The following ATG10 variants were observed in gnomAD, a reference collection of about 807,000 sequenced individuals.
ATG10 encodes the protein autophagy related 10, also known as ubiquitin-like-conjugating enzyme ATG10.
In ATG10, 30 loss-of-function variants were observed where a neutral mutation model predicts 32.1. That is an observed-to-expected ratio of 0.94 (90% CI 0.70 to 1.27). The LOEUF (loss-of-function observed/expected upper bound fraction) is 1.27, where lower values mean the gene tolerates loss of function less well. Among genes scored for constraint, ATG10 ranks in the 50% most tolerant of loss-of-function variants. ATG10 has a pLI of 0.00. For missense variants in ATG10, 233 were observed against 262.3 expected, an observed-to-expected ratio of 0.89 and a Z score of 0.77; for synonymous variants, 87 against 91.5, an observed-to-expected ratio of 0.95 and a Z score of 0.28.
At chr5:82,053,833 G>GT (rs1399010283) in intron 2 of ATG10, among the ~76,000 whole-genome samples, 1 of 152,192 alleles carries the variant, frequency 6.6e-6, no homozygotes, top group African/African-American at 2.4e-5. Context: ...ACTACTGGCA[G>GT]TTTCAGAGGG....
At chr5:82,005,315 G>T (rs749309137) in intron 2 of ATG10, among the ~76,000 whole-genome samples, 1 of 151,962 alleles carries the variant, frequency 6.6e-6, no homozygotes, top group Non-Finnish European at 1.5e-5. Flanking sequence ...TGTTTTTTGA[G>T]ATAGAGTCTC....
Position 82,035,443 on chromosome 5 carries a change from G to A in ATG10, c.109-23052G>A, listed in dbSNP as rs142966763. 1.4e-4 allele frequency among the ~76,000 whole-genome samples: 21 copies of A among 152,178 alleles called. 1 individual carries two copies. The East Asian group carries it at 3.7e-3, about 27-fold the overall frequency. ...GAGTGAATGAACGAGTGAGAAATTG[G>A]AGAGCATTTCCCTCCAAACAGACTG... On this transcript the variant is annotated intron_variant, in intron 2 of 7. Coordinates refer to ENST00000282185, the MANE Select transcript of ATG10 (RefSeq NM_031482.5).
intron 3 of ATG10, among the ~76,000 whole-genome samples, chr5:82,099,637 T>G (rs16899368): frequency 0.013 from 2,051 of 152,240 alleles, 53 homozygotes; most frequent in African/African-American, 0.047. Context: ...ATAAACAAGA[T>G]AATCCCATCA....
chr5:82,091,726 A>G (rs769656251), intron 3 of ATG10, among the ~76,000 whole-genome samples: 1 of 152,042 alleles, frequency 6.6e-6, no homozygotes, highest in Non-Finnish European at 1.5e-5. Context: ...TATTTTTACA[A>G]TGTGGAAAAA....
chr5:81,985,808 GCT>G (rs1466326131), intron 1 of ATG10, among the ~76,000 whole-genome samples: 1 of 152,164 alleles, frequency 6.6e-6, no homozygotes, highest in Non-Finnish European at 1.5e-5. Context: ...TGTCGCCCAG[GCT>G]GTAGTGCAGT....
chr5:82,051,943 A>G (rs1763443459), intron 2 of ATG10, among the ~76,000 whole-genome samples: 2 of 152,104 alleles, frequency 1.3e-5, no homozygotes, highest in South Asian at 2.1e-4. Context: ...TACTGATAGT[A>G]TTGGTTTGAT....
At chr5:82,175,056 G>T (rs1188625598) in intron 4 of ATG10, among the ~76,000 whole-genome samples, 2 of 152,124 alleles carry the variant, frequency 1.3e-5, no homozygotes, top group African/African-American at 4.8e-5. Context: ...CATCATTGTG[G>T]ATGTATAACA....
At chr5:82,086,226 T>G (rs1764686279) in intron 3 of ATG10, among the ~76,000 whole-genome samples, 1 of 152,190 alleles carries the variant, frequency 6.6e-6, no homozygotes, top group Admixed American at 6.5e-5. Context: ...AAAAATGTTT[T>G]AAAAGCTACA....
intron 3 of ATG10, among the ~76,000 whole-genome samples, chr5:82,114,045 C>T (rs1472358578): frequency 6.6e-6 from 1 of 151,896 alleles, no homozygotes; most frequent in Non-Finnish European, 1.5e-5. Context: ...ATTTGAAAGA[C>T]CTGCATCAAC....
At chr5:82,075,873 T>C (rs1296847349) in intron 3 of ATG10, among the ~76,000 whole-genome samples, 2 of 152,086 alleles carry the variant, frequency 1.3e-5, no homozygotes, top group African/African-American at 4.8e-5. Flanking sequence ...AAGCAGACAT[T>C]GCAGTGAGCT....
At chr5:82,021,166 G>A (rs1762421747) in intron 2 of ATG10, among the ~76,000 whole-genome samples, 1 of 152,086 alleles carries the variant, frequency 6.6e-6, no homozygotes, top group Non-Finnish European at 1.5e-5. Flanking sequence ...AGTAGGTAAT[G>A]TGTAAATTTG....
chr5:82,166,816 G>C (rs1311466913), intron 4 of ATG10, among the ~76,000 whole-genome samples: 1 of 152,056 alleles, frequency 6.6e-6, no homozygotes, highest in Admixed American at 6.6e-5. Flanking sequence ...TTCTTGCCCA[G>C]GGGTCTTTTT....
At position 82,183,639 on chromosome 5, in the gene ATG10, T is replaced by C. The variant is rs375440227; in HGVS notation, c.453+5052T>C. 3.9e-5 allele frequency among the ~76,000 whole-genome samples: 6 copies of C among 152,300 alleles called. No individual in the cohort carries two copies. The East Asian group carries it at 1.2e-3, about 29-fold the overall frequency. On this transcript the variant is annotated intron_variant, in intron 5 of 7. Coordinates refer to ENST00000282185, the MANE Select transcript of ATG10 (RefSeq NM_031482.5). The stretch of plus-strand genomic sequence containing the variant: ...CATTAATTCATTAGTGATTGCAAGA[T>C]GGTGATGTTCTAATTCTATCATTCA...
intron 2 of ATG10, among the ~76,000 whole-genome samples, chr5:82,023,521 TATAA>T (rs1393118404): frequency 5.3e-5 from 8 of 152,220 alleles, no homozygotes; most frequent in African/African-American, 1.7e-4. Context: ...TGTCAGAAAT[TATAA>T]ATAAACTAAA....
chr5:82,158,604 AT>A (rs1210720968), intron 3 of ATG10, among the ~76,000 whole-genome samples: 1 of 152,174 alleles, frequency 6.6e-6, no homozygotes, highest in Non-Finnish European at 1.5e-5. Context: ...ACCATTTTAT[AT>A]AAGAAACTTG....
chr5:81,983,245 C>T (rs1434012599), intron 1 of ATG10, among the ~76,000 whole-genome samples: 2 of 149,264 alleles, frequency 1.3e-5, no homozygotes, highest in African/African-American at 2.5e-5. Context: ...ACCCCCCCCC[C>T]CACCTCCCTC....
At chr5:82,212,003 A>G (rs898284480) in intron 5 of ATG10, among the ~76,000 whole-genome samples, 1 of 152,206 alleles carries the variant, frequency 6.6e-6, no homozygotes, top group East Asian at 1.9e-4. Flanking sequence ...GTCAAGGCTC[A>G]CTTCAAATGG....
At chr5:82,098,847 A>T (rs978172765) in intron 3 of ATG10, among the ~76,000 whole-genome samples, 2 of 152,238 alleles carry the variant, frequency 1.3e-5, no homozygotes, top group Non-Finnish European at 2.9e-5. Context: ...TGACCCAATT[A>T]CATGGGTCTT....
intron 2 of ATG10, among the ~76,000 whole-genome samples, chr5:82,054,334 G>T (rs1763521583): frequency 6.6e-6 from 1 of 152,182 alleles, no homozygotes; most frequent in South Asian, 2.1e-4. Context: ...TGGGGATTAT[G>T]TTTTAAATGC....
Sources: allele counts gnomAD v4.1 joint callset (sites outside exome capture counted in the v4.1 genomes callset), GRCh38; gene constraint gnomAD v4.1.1; transcripts MANE v1.5; gene names NCBI Gene and HGNC (gene_info 2026-07-23, HGNC 2026-07-21).